Variants in MPP7 observed in about 807,000 individuals in gnomAD.
MPP7 encodes the protein MAGUK p55 scaffold protein 7, also known as MAGUK p55 subfamily member 7.
A neutral mutation model predicts 76.5 loss-of-function variants in MPP7; 60 were observed. That is an observed-to-expected ratio of 0.78 (90% CI 0.64 to 0.97). The LOEUF is 0.97. Among genes scored for constraint, MPP7 ranks in the 50% least tolerant of loss-of-function variants. The probability of loss-of-function intolerance (pLI) is 0.00; values close to 1 mark genes in which losing one functional copy is unlikely to be tolerated. For missense variants in MPP7, 641 were observed against 694.0 expected, an observed-to-expected ratio of 0.92 and a Z score of 0.86; for synonymous variants, 237 against 244.5, an observed-to-expected ratio of 0.97 and a Z score of 0.29.
intron 12 of MPP7, among the ~76,000 whole-genome samples, chr10:28,081,238 G>A (rs1852745219): frequency 6.6e-6 from 1 of 152,170 alleles, no homozygotes; most frequent in Non-Finnish European, 1.5e-5. Context: ...TCTTGTTTTG[G>A]CTTAAACGTG....
Position 28,302,957 on chromosome 10 carries a change from C to CGCAGAGGACAATCGGGAG in MPP7, c.-246_-229dup, listed in dbSNP as rs1413736788. 3.9e-5 allele frequency among the ~76,000 whole-genome samples: 6 copies of CGCAGAGGACAATCGGGAG among 152,224 alleles called. No homozygotes were observed. Among genetic ancestry groups the CGCAGAGGACAATCGGGAG allele is most frequent in the Non-Finnish European group, 8.8e-5 (6 of 67,986 alleles). ...GCAAGGAGGCAGCGACCGCCACCGC[C>CGCAGAGGACAATCGGGAG]GCAGAGGACAATCGGGAGCCAGCGG... On this transcript the variant is annotated 5_prime_UTR_variant, in exon 1 of 17. Transcript: ENST00000683449.
At chr10:28,304,271 T>G (rs1402023761), upstream of MPP7, among the ~76,000 whole-genome samples, 3 of 152,176 alleles carry the variant, frequency 2.0e-5, no homozygotes, top group Non-Finnish European at 2.9e-5. Flanking sequence ...TAACTCTCTC[T>G]AGCTGCCTTA....
intron 1 of MPP7, among the ~76,000 whole-genome samples, chr10:28,279,513 G>C (rs1318412634): frequency 6.6e-6 from 1 of 151,814 alleles, no homozygotes. Context: ...TGGATCACCT[G>C]AGGTCAGGAT....
intron 12 of MPP7, among the ~76,000 whole-genome samples, chr10:28,083,447 C>G (rs1349856130): frequency 6.6e-6 from 1 of 151,090 alleles, no homozygotes; most frequent in Non-Finnish European, 1.5e-5. Context: ...ATTCTTGATT[C>G]TGGAAAGTTT....
chr10:28,177,177 G>A (rs887941862), intron 3 of MPP7, among the ~76,000 whole-genome samples: 1 of 150,100 alleles, frequency 6.7e-6, no homozygotes. Context: ...CAGCACTTTG[G>A]GAGGCCAAGC....
At chr10:28,254,165 A>T (rs887420105) in intron 1 of MPP7, among the ~76,000 whole-genome samples, 2 of 152,140 alleles carry the variant, frequency 1.3e-5, no homozygotes, top group African/African-American at 2.4e-5. Context: ...AATATTTCTA[A>T]AGCCATTAAT....
intron 2 of MPP7, among the ~76,000 whole-genome samples, chr10:28,216,988 G>A (rs1188957420): frequency 6.6e-6 from 1 of 151,806 alleles, no homozygotes; most frequent in East Asian, 1.9e-4. Context: ...TTGATTTTGA[G>A]CCTTTTAACA....
intron 1 of MPP7, among the ~76,000 whole-genome samples, chr10:28,301,454 C>A (rs115882204): frequency 6.6e-6 from 1 of 152,098 alleles, no homozygotes; most frequent in Admixed American, 6.5e-5. Flanking sequence ...AGCTAAGCAA[C>A]CTGAATGGAA....
chr10:28,201,640 T>C (rs1301861003), intron 3 of MPP7, among the ~76,000 whole-genome samples: 2 of 152,194 alleles, frequency 1.3e-5, no homozygotes, highest in East Asian at 1.9e-4. Flanking sequence ...AAAACTGTTT[T>C]TACTCACATT....
chr10:28,197,245 C>T lies in MPP7; in HGVS notation c.156+4908G>A, dbSNP rs180790930. Among the ~76,000 whole-genome samples the T allele has an allele frequency of 3.4e-5, 5 of 148,972 alleles. No homozygotes were observed. In the East Asian group the frequency reaches 6.0e-4, roughly 18 times the overall value. On this transcript the variant is annotated intron_variant, in intron 3 of 16. Coordinates refer to ENST00000683449, the MANE Select transcript of MPP7 (RefSeq NM_001318170.2). Reference sequence around the variant, plus strand: ...TCGCCCAGGCTGGAGTACAGTGGCACGATCTCAGCTCACTGCAACCTCTGC... The same window carrying T: ...TCGCCCAGGCTGGAGTACAGTGGCATGATCTCAGCTCACTGCAACCTCTGC...
intron 1 of MPP7, among the ~76,000 whole-genome samples, chr10:28,259,745 G>A (rs1839891590): frequency 6.6e-6 from 1 of 152,126 alleles, no homozygotes; most frequent in Non-Finnish European, 1.5e-5. Context: ...TTGGGAGGCT[G>A]AGGTGGGAGA....
intron 5 of MPP7, among the ~76,000 whole-genome samples, chr10:28,132,609 T>A (rs1301871292): frequency 3.9e-5 from 6 of 152,154 alleles, no homozygotes; most frequent in African/African-American, 1.4e-4. Context: ...TTTTTATTTT[T>A]ATTTTTTTAA....
intron 3 of MPP7, among the ~76,000 whole-genome samples, chr10:28,186,584 G>C (rs551665477): frequency 6.6e-6 from 1 of 152,308 alleles, no homozygotes; most frequent in African/African-American, 2.4e-5. Context: ...TGTGGGAAAT[G>C]GACTTTGAGA....
At chr10:28,302,675 C>G (rs1284311755) in intron 1 of MPP7, among the ~76,000 whole-genome samples, 186 bp downstream of exon 1, 1 of 152,078 alleles carries the variant, frequency 6.6e-6, no homozygotes, top group East Asian at 1.9e-4. Context: ...GCCCCGCCCC[C>G]ACCTCCTCAC....
chr10:28,301,788 G>A (rs773728154), intron 1 of MPP7, among the ~76,000 whole-genome samples: 14 of 152,030 alleles, frequency 9.2e-5, no homozygotes, highest in Non-Finnish European at 1.8e-4. Flanking sequence ...TGTTTTTATA[G>A]AACCAGAGTG....
intron 3 of MPP7, among the ~76,000 whole-genome samples, chr10:28,184,012 C>G (rs1837144294): frequency 6.6e-6 from 1 of 151,916 alleles, no homozygotes; most frequent in East Asian, 1.9e-4. Flanking sequence ...ATCCTTATAA[C>G]AACCACACAA....
At chr10:28,126,456 G>C (rs1298451612) in intron 6 of MPP7, among the ~76,000 whole-genome samples, 1 of 152,194 alleles carries the variant, frequency 6.6e-6, no homozygotes, top group Non-Finnish European at 1.5e-5. Context: ...CTTATCCATA[G>C]TTTCTGGATG....
chr10:28,190,209 A>C (rs533991020), intron 3 of MPP7, among the ~76,000 whole-genome samples: 1 of 152,226 alleles, frequency 6.6e-6, no homozygotes, highest in Non-Finnish European at 1.5e-5. Context: ...AAATGCATGA[A>C]GTCACTATTA....
intron 3 of MPP7, among the ~76,000 whole-genome samples, chr10:28,186,323 G>T (rs1009225194): frequency 1.3e-5 from 2 of 148,226 alleles, no homozygotes; most frequent in African/African-American, 5.0e-5. Flanking sequence ...TCCAGCCTGG[G>T]TGACAGAGCA....
Sources: gnomAD v4.1 joint callset for allele counts (sites outside exome capture counted in the v4.1 genomes callset) on GRCh38, gnomAD v4.1.1 for gene constraint, MANE v1.5 for transcripts, NCBI Gene and HGNC (gene_info 2026-07-23, HGNC 2026-07-21) for gene names.